Variants in MYO1D observed in about 807,000 individuals in gnomAD.
MYO1D encodes myosin ID.
Under a neutral mutation model 122.0 loss-of-function variants are expected in MYO1D, and 83 were observed. The ratio of observed to expected loss-of-function variants is 0.68; its 90% CI spans 0.57 to 0.82. The LOEUF (loss-of-function observed/expected upper bound fraction) is 0.82. Ranked by LOEUF, MYO1D falls within the 40% of genes least tolerant of loss-of-function variation. MYO1D has a pLI of 0.00. For missense variants in MYO1D, 1,157 were observed against 1,269.5 expected (o/e 0.91, Z 1.35); for synonymous variants, 464 against 446.9 (o/e 1.04, Z -0.48).
At position 32,780,635 on chromosome 17, in the gene MYO1D, G is replaced by T; in HGVS notation, c.245C>A (p.Ala82Glu). Reference sequence around the variant, plus strand: ...CTTCATAGCCTTGTAAGCAGCATCCGCAATAGCAAAAAGGTGAGGCGGTCT... The same window carrying T: ...CTTCATAGCCTTGTAAGCAGCATCCTCAATAGCAAAAAGGTGAGGCGGTCT... ...YERPPHLFAIADAAYKAMKRR... is the reference protein window; with the variant it reads ...YERPPHLFAIEDAAYKAMKRR... Residue 82 changes from alanine to glutamate, a missense_variant, in exon 2 of 22, where the codon GCG becomes GAG. Coordinates refer to ENST00000318217, the MANE Select transcript of MYO1D (RefSeq NM_015194.3). The T allele has an allele frequency of 6.2e-7, 1 of 1,613,994 alleles. No individual in the cohort carries two copies. The highest frequency in any genetic ancestry group is 8.5e-7 in the Non-Finnish European group (1 of 1,180,006).
intron 21 of MYO1D, among the ~76,000 whole-genome samples, chr17:32,560,077 AAACC>A (rs2087104492): frequency 6.6e-6 from 1 of 152,126 alleles, no homozygotes; most frequent in Non-Finnish European, 1.5e-5. Flanking sequence ...CAACATGGTG[AAACC>A]CCCATCTCTA....
rs1340616983 is a variant in MYO1D at position 32,659,173 on chromosome 17, G to T, written c.2287C>A (p.Pro763Thr). The T allele has an allele frequency of 6.2e-7, 1 of 1,614,178 alleles. No individual in the cohort carries two copies. Among genetic ancestry groups the T allele is most frequent in the South Asian group, 1.1e-5 (1 of 91,082 alleles). The change falls in exon 17 of 22, where the codon CCA (proline) becomes ACA (threonine). Residue 763 changes from proline (P) to threonine (T), a missense_variant. Pro to Thr is a conservative substitution (Grantham distance 38, BLOSUM62 -1). Coordinates refer to ENST00000318217, the MANE Select transcript of MYO1D (RefSeq NM_015194.3). Reference sequence around the variant, plus strand: ...CGGCGAAGAACTTTAGGAGGGCTTGGCCACTTCACGTGCTTCCCGTAGTCT... The same window carrying T: ...CGGCGAAGAACTTTAGGAGGGCTTGTCCACTTCACGTGCTTCCCGTAGTCT... ...MRDYGKHVKW[P>T]SPPKVLRRFE...
chr17:32,813,374 T>C (rs759904445), intron 1 of MYO1D, among the ~76,000 whole-genome samples: 13 of 152,094 alleles, frequency 8.5e-5, no homozygotes, highest in Non-Finnish European at 1.6e-4. Context: ...CAGGGAGATA[T>C]ATTACAGTAC....
chr17:32,618,270 A>G (rs2087802945), intron 20 of MYO1D, among the ~76,000 whole-genome samples: 1 of 152,228 alleles, frequency 6.6e-6, no homozygotes, highest in South Asian at 2.1e-4. Context: ...ATTCAGGTCA[A>G]GGAAAATAAT....
chr17:32,776,165 AAAAC>A (rs1028446948), intron 3 of MYO1D, 136 bp from the exon 4 acceptor site: 12 of 736,890 alleles, frequency 1.6e-5, no homozygotes, highest in South Asian at 1.5e-4. Flanking sequence ...TATCAAAAAA[AAAAC>A]AAACAAATTA....
intron 21 of MYO1D, among the ~76,000 whole-genome samples, chr17:32,509,116 G>T (rs1254279974): frequency 6.6e-6 from 1 of 152,230 alleles, no homozygotes; most frequent in East Asian, 1.9e-4. Flanking sequence ...CAAGTGAGGC[G>T]GAGCCATCGG....
At chr17:32,867,755 T>C (rs1744521349) in intron 1 of MYO1D, among the ~76,000 whole-genome samples, 2 of 126,302 alleles carry the variant, frequency 1.6e-5, no homozygotes, top group South Asian at 4.9e-4. Context: ...CGAGAGATCA[T>C]GCCACTGCAC....
intron 21 of MYO1D, among the ~76,000 whole-genome samples, chr17:32,500,391 AC>A (rs1909277293): frequency 6.6e-6 from 1 of 152,198 alleles, no homozygotes; most frequent in Non-Finnish European, 1.5e-5. Context: ...GTGGCCAGAT[AC>A]CTGTGAACCA....
intron 16 of MYO1D, among the ~76,000 whole-genome samples, chr17:32,674,085 T>C (rs1021879656): frequency 6.6e-6 from 1 of 152,198 alleles, no homozygotes; most frequent in Non-Finnish European, 1.5e-5. Context: ...CTTCCATGTA[T>C]GAAGCTTGAA....
chr17:32,821,448 A>G (rs1188579815), intron 1 of MYO1D, among the ~76,000 whole-genome samples: 1 of 152,208 alleles, frequency 6.6e-6, no homozygotes, highest in African/African-American at 2.4e-5. Flanking sequence ...ATTACAAATA[A>G]GGATGAAGTA....
In MYO1D at chr17:32,653,938, T is replaced by C. The variant is rs764026778; in HGVS notation, c.2500A>G (p.Thr834Ala). 1.2e-6 allele frequency: 2 copies of C among 1,611,536 alleles called. No homozygotes were observed. Among genetic ancestry groups the C allele is most frequent in the Admixed American group, 1.7e-5 (1 of 59,342 alleles). Residue 834 changes from threonine to alanine, a missense_variant, in exon 19 of 22, where the codon ACA becomes GCA. Transcript: ENST00000318217. ...EGNYLASKPD[T>A]PQTSGTFVPV... ...ACAAAAGTGCCTGAGGTCTGAGGTG[T>C]ATCTGGCTTCTGAAAGAGAAAGGAA... is the stretch of plus-strand genomic sequence containing the variant.
At position 32,775,844 on chromosome 17, in the gene MYO1D, AGAAATTAAGCATATTTTACCTTT is replaced by A; in HGVS notation, c.561_564+19del. The stretch of plus-strand genomic sequence containing the variant: ...ATTCAGCACTTAAAACATTACCCTC[AGAAATTAAGCATATTTTACCTTT>A]TCTAGTAAGTAGTTATTGATATGCC... On this transcript the variant is annotated splice_donor_variant and splice_donor_5th_base_variant and coding_sequence_variant and intron_variant, in exon 4 of 22. Transcript: ENST00000318217. LOFTEE classifies it high-confidence loss of function. The A allele has an allele frequency of 6.3e-7, 1 of 1,576,670 alleles. No homozygotes were observed. The highest frequency in any genetic ancestry group is 8.7e-7 in the Non-Finnish European group (1 of 1,155,960).
intron 21 of MYO1D, among the ~76,000 whole-genome samples, chr17:32,516,264 A>G (rs1358329741): frequency 1.3e-5 from 2 of 152,178 alleles, no homozygotes; most frequent in Non-Finnish European, 2.9e-5. Context: ...CTGGCCTATA[A>G]TGAGAGATGA....
In MYO1D at chr17:32,632,632, T is replaced by C. The variant is rs892831073; in HGVS notation, c.2709+6090A>G. Reference sequence around the variant, plus strand: ...ACACACACACACACACACACATATATATATATATAAATAGGCAAATAGGAA... The same window carrying C: ...ACACACACACACACACACACATATACATATATATAAATAGGCAAATAGGAA... On this transcript the variant is annotated intron_variant, in intron 20 of 21. Transcript: ENST00000318217. Among the ~76,000 whole-genome samples the C allele has an allele frequency of 6.0e-5, 9 of 151,076 alleles. No individual in the cohort carries two copies. In the East Asian group the frequency reaches 1.4e-3, roughly 23 times the overall value.
intron 16 of MYO1D, among the ~76,000 whole-genome samples, chr17:32,683,763 T>A (rs991555297): frequency 2.0e-5 from 3 of 152,186 alleles, no homozygotes; most frequent in African/African-American, 7.2e-5. Flanking sequence ...CTCCTTGAAC[T>A]GTGGTGGGCT....
chr17:32,520,406 G>C (rs910630395), intron 21 of MYO1D, among the ~76,000 whole-genome samples: 1 of 152,238 alleles, frequency 6.6e-6, no homozygotes, highest in Non-Finnish European at 1.5e-5. Context: ...AAAGAGCCAA[G>C]GGGTGTGGCT....
Position 32,605,750 on chromosome 17 carries a change from A to G in MYO1D, c.2710-509T>C, listed in dbSNP as rs1400335056. ...GGATAATATTAAAATATTTGGACCAATTCTATACAAAAACTTATTCAACAA... is the reference window on the plus strand; with the variant it reads ...GGATAATATTAAAATATTTGGACCAGTTCTATACAAAAACTTATTCAACAA... On this transcript the variant is annotated intron_variant, in intron 20 of 21. Coordinates refer to ENST00000318217, the MANE Select transcript of MYO1D (RefSeq NM_015194.3). Among the ~76,000 whole-genome samples, 8 of 152,172 alleles carry G rather than the reference A, an allele frequency of 5.3e-5. No individual in the cohort carries two copies. In the East Asian group the frequency reaches 1.5e-3, roughly 29 times the overall value.
At chr17:32,872,137 T>C (rs2091184723) in intron 1 of MYO1D, among the ~76,000 whole-genome samples, 1 of 152,102 alleles carries the variant, frequency 6.6e-6, no homozygotes. Context: ...TCAAAAGAAA[T>C]ATCCCCCAAC....
At chr17:32,598,659 A>G (rs2087526435) in intron 21 of MYO1D, among the ~76,000 whole-genome samples, 3 of 152,330 alleles carry the variant, frequency 2.0e-5, no homozygotes, top group Admixed American at 2.0e-4. Flanking sequence ...CAATAAAGCA[A>G]GTCACACAAT....
Sources: gnomAD v4.1 joint callset for allele counts (sites outside exome capture counted in the v4.1 genomes callset) on GRCh38, gnomAD v4.1.1 for gene constraint, MANE v1.5 for transcripts, NCBI Gene and HGNC (gene_info 2026-07-23, HGNC 2026-07-21) for gene names.